The following ABCA9 variants were observed in gnomAD, a reference collection of about 807,000 sequenced individuals.
ABCA9 encodes the protein ATP binding cassette subfamily A member 9.
In ABCA9, 183 loss-of-function variants were observed where a neutral mutation model predicts 205.3. The ratio of observed to expected loss-of-function variants is 0.89; its 90% CI spans 0.79 to 1.01. ABCA9 has a LOEUF of 1.01. Ranked by LOEUF, ABCA9 falls within the 50% of genes least tolerant of loss-of-function variation. The pLI, the probability that ABCA9 is intolerant of heterozygous loss-of-function variation, is 0.00. For synonymous variants in ABCA9, 651 were observed against 683.3 expected (o/e 0.95, Z 0.74); for missense variants, 1,805 against 1,912.4 (o/e 0.94, Z 1.05).
Position 69,044,823 on chromosome 17 carries a change from T to C in ABCA9, c.470-223A>G, listed in dbSNP as rs191991856. On this transcript the variant is annotated intron_variant, in intron 4 of 38. Coordinates refer to ENST00000340001, the MANE Select transcript of ABCA9 (RefSeq NM_080283.4). ...ATGATTTTTCATTATATTTTATAAT[T>C]CTTTCCATTGGTCAAGATTGCTTTC... is the stretch of plus-strand genomic sequence containing the variant. Among the ~76,000 whole-genome samples, 6 of 152,346 alleles carry C rather than the reference T, an allele frequency of 3.9e-5. No homozygotes were observed. The East Asian group carries it at 1.2e-3, about 29-fold the overall frequency.
chr17:69,058,348 G>A (rs1038624346), intron 1 of ABCA9, among the ~76,000 whole-genome samples: 1 of 152,030 alleles, frequency 6.6e-6, no homozygotes, highest in African/African-American at 2.4e-5. Context: ...CATATTCATG[G>A]CAGGAGCAAA....
At position 69,017,480 on chromosome 17, in the gene ABCA9, A is replaced by G. The variant is rs201591588; in HGVS notation, c.2901+176T>C. On this transcript the variant is annotated intron_variant, in intron 21 of 38. Coordinates refer to ENST00000340001, the MANE Select transcript of ABCA9 (RefSeq NM_080283.4). Reference sequence around the variant, plus strand: ...AATAAAATCAAATAAATTTCATTTCATATTGCCATGCTGAAGGCTATGGGG... The same window carrying G: ...AATAAAATCAAATAAATTTCATTTCGTATTGCCATGCTGAAGGCTATGGGG... Among the ~76,000 whole-genome samples, 13 of 152,168 alleles carry G rather than the reference A, an allele frequency of 8.5e-5. No individual in the cohort carries two copies. The East Asian group carries it at 2.5e-3, about 29-fold the overall frequency.
In ABCA9 at chr17:69,025,894, A is replaced by G. The variant is rs1470539958; in HGVS notation, c.2141+483T>C. 9.2e-5 allele frequency among the ~76,000 whole-genome samples: 14 copies of G among 152,294 alleles called. No homozygotes were observed. In the East Asian group the frequency reaches 2.5e-3, roughly 27 times the overall value. On this transcript the variant is annotated intron_variant, in intron 16 of 38. Transcript: ENST00000340001. ...GAATACAATAATATGAATATTCTAT[A>G]TGTAAATATCTTAGTAAGTACCTAA...
chr17:69,036,202 C>G (rs1157608942), intron 6 of ABCA9, among the ~76,000 whole-genome samples: 1 of 152,046 alleles, frequency 6.6e-6, no homozygotes. Context: ...TCTAAATAGC[C>G]ACATTGTGAA....
Position 69,035,646 on chromosome 17 carries a change from A to G in ABCA9, c.942+14T>C, listed in dbSNP as rs770406292. On this transcript the variant is annotated intron_variant, in intron 7 of 38. Transcript: ENST00000340001. ...AAAGAGAATAAAAGACTTAGATGAA[A>G]TTAACCAACTCACCAAAGACAGGCC... is the stretch of plus-strand genomic sequence containing the variant. 6.2e-7 allele frequency: 1 copy of G among 1,612,220 alleles called. No homozygotes were observed. The highest frequency in any genetic ancestry group is 8.5e-7 in the Non-Finnish European group (1 of 1,179,272).
chr17:69,074,141 C>G, the ABCA9 span, among the ~76,000 whole-genome samples: 3 of 152,142 alleles, frequency 2.0e-5, no homozygotes, highest in Admixed American at 6.5e-5. Flanking sequence ...ATTCTACCAT[C>G]TTGCTCCATT....
intron 1 of ABCA9, among the ~76,000 whole-genome samples, chr17:69,053,785 A>T (rs2071982076): frequency 2.0e-5 from 3 of 151,622 alleles, no homozygotes; most frequent in Admixed American, 2.0e-4. Context: ...AATGACTGAG[A>T]ATTTCCCCAG....
At chr17:69,019,904 A>G (rs1043350606) in intron 19 of ABCA9, 2 of 153,540 alleles carry the variant, frequency 1.3e-5, no homozygotes, top group African/African-American at 4.8e-5. Flanking sequence ...CAACTACAGC[A>G]TTAACTCTAA....
chr17:69,000,332 G>C (rs1372297024), intron 25 of ABCA9, among the ~76,000 whole-genome samples: 3 of 149,780 alleles, frequency 2.0e-5, no homozygotes, highest in Non-Finnish European at 4.5e-5. Flanking sequence ...TCCAGTTTCA[G>C]CTTTCTACAT....
rs1277118558 is a variant in ABCA9, at chr17:69,020,502, A to C, written c.2486T>G (p.Phe829Cys). ...ACTGATTGTTTTCCTTGTTTCGTGG[A>C]AGGAAGACAAAACTTGTTCCAGCTC... is the stretch of plus-strand genomic sequence containing the variant. ...LVELEQVLSS[F>C]HETRKTISGV... Residue 829 changes from phenylalanine to cysteine, a missense_variant, in exon 19 of 39, where the codon TTC (phenylalanine) becomes TGC (cysteine). Phe to Cys is a radical substitution (Grantham distance 205). Coordinates refer to ENST00000340001, the MANE Select transcript of ABCA9 (RefSeq NM_080283.4). 4 of 1,613,996 alleles carry C rather than the reference A, an allele frequency of 2.5e-6. No homozygotes were observed. Among genetic ancestry groups the C allele is most frequent in the African/African-American group, 1.3e-5 (1 of 74,930 alleles).
At chr17:69,025,715 T>C (rs974106765) in intron 16 of ABCA9, among the ~76,000 whole-genome samples, 21 of 152,156 alleles carry the variant, frequency 1.4e-4, no homozygotes, top group African/African-American at 5.1e-4. Flanking sequence ...ATGCAAAATA[T>C]AGGAAGCCAT....
intron 16 of ABCA9, among the ~76,000 whole-genome samples, chr17:69,025,564 G>C (rs1256763626): frequency 6.6e-6 from 1 of 152,050 alleles, no homozygotes; most frequent in Admixed American, 6.5e-5. Flanking sequence ...AGTAATGATA[G>C]ATTGGTAGAT....
intron 23 of ABCA9, among the ~76,000 whole-genome samples, chr17:69,011,492 A>G (rs1365508701): frequency 6.6e-6 from 1 of 152,208 alleles, no homozygotes; most frequent in African/African-American, 2.4e-5. Flanking sequence ...ACATGAAGAC[A>G]TGGGAGAGTA....
At chr17:69,055,974 G>T (rs2072058330) in intron 1 of ABCA9, among the ~76,000 whole-genome samples, 1 of 152,012 alleles carries the variant, frequency 6.6e-6, no homozygotes. Context: ...AAATAAAAAT[G>T]AAAACACAGC....
intron 11 of ABCA9, among the ~76,000 whole-genome samples, chr17:69,028,931 A>G (rs530550709): frequency 2.0e-4 from 31 of 152,340 alleles, no homozygotes; most frequent in African/African-American, 7.0e-4. Context: ...GCTGAAACAA[A>G]GAATTTCATA....
chr17:69,001,007 A>T (rs1191973542), intron 25 of ABCA9, among the ~76,000 whole-genome samples: 1 of 152,062 alleles, frequency 6.6e-6, no homozygotes, highest in East Asian at 1.9e-4. Context: ...TTATCAGCTT[A>T]AGGAGATTTT....
chr17:69,055,147 AAT>A (rs1345867336), intron 1 of ABCA9, among the ~76,000 whole-genome samples: 2 of 152,230 alleles, frequency 1.3e-5, no homozygotes, highest in African/African-American at 4.8e-5. Flanking sequence ...ATACTAATCC[AAT>A]ATGTCAATAA....
At chr17:69,048,464 A>T (rs1448257206) in intron 3 of ABCA9, among the ~76,000 whole-genome samples, 1 of 152,174 alleles carries the variant, frequency 6.6e-6, no homozygotes, top group Non-Finnish European at 1.5e-5. Context: ...GGCATAACCG[A>T]TCAGGTCTTG....
chr17:69,030,589 G>A (rs1239593011), intron 10 of ABCA9, among the ~76,000 whole-genome samples: 1 of 152,170 alleles, frequency 6.6e-6, no homozygotes, highest in Non-Finnish European at 1.5e-5. Flanking sequence ...GCATTCAGAT[G>A]CAATGACTTT....
Sources: allele counts gnomAD v4.1 joint callset (sites outside exome capture counted in the v4.1 genomes callset), GRCh38; gene constraint gnomAD v4.1.1; transcripts MANE v1.5; gene names NCBI Gene and HGNC (gene_info 2026-07-23, HGNC 2026-07-21).